Variants in SUSD6 observed in about 807,000 individuals in gnomAD.
SUSD6 encodes sushi domain containing 6, also known as sushi domain-containing protein 6.
A neutral mutation model predicts 28.4 loss-of-function variants in SUSD6; 16 were observed. The ratio of observed to expected loss-of-function variants is 0.56; its 90% CI spans 0.38 to 0.86. The LOEUF (loss-of-function observed/expected upper bound fraction) is 0.86. SUSD6 is among the 40% of genes least tolerant of loss of function. The pLI, the probability that SUSD6 is intolerant of heterozygous loss-of-function variation, is 0.00. For synonymous variants in SUSD6, 147 were observed against 159.6 expected, an observed-to-expected ratio of 0.92 and a Z score of 0.59; for missense variants, 341 against 384.2, an observed-to-expected ratio of 0.89 and a Z score of 0.94.
At chr14:69,629,356 A>G (rs546910925) in intron 1 of SUSD6, among the ~76,000 whole-genome samples, 6 of 152,134 alleles carry the variant, frequency 3.9e-5, no homozygotes, top group Non-Finnish European at 7.4e-5. Flanking sequence ...CCCCACAGGA[A>G]GCCTTTTAAT....
rs1287548036 is a variant in SUSD6, at chr14:69,712,119, T to A, written c.*1140T>A. The A allele has an allele frequency of 1.3e-5, 2 of 152,374 alleles. No individual in the cohort carries two copies. Among genetic ancestry groups the A allele is most frequent in the Admixed American group, 6.5e-5 (1 of 15,286 alleles). 9.4% of individuals were successfully genotyped at this position (152,374 alleles called of 1,614,324 possible). On this transcript the variant is annotated 3_prime_UTR_variant, in exon 6 of 6. Transcript: ENST00000342745. ...TCCTCACCATGGTCACGTGCCTTAGTAACTGTGCCCAGGAAGTGGCCTGCT... is the reference window on the plus strand; with the variant it reads ...TCCTCACCATGGTCACGTGCCTTAGAAACTGTGCCCAGGAAGTGGCCTGCT...
intron 1 of SUSD6, among the ~76,000 whole-genome samples, chr14:69,635,489 C>T (rs2224541): frequency 0.68 from 103,561 of 152,096 alleles, 36,662 homozygotes; most frequent in Admixed American, 0.8. Flanking sequence ...GTTTGGAAAT[C>T]AGAACTGTAC....
Position 69,704,596 on chromosome 14 carries a change from T to C in SUSD6, c.320-8T>C, listed in dbSNP as rs1312678298. ...CAAAACCCTTCTGATGATGGCTTGT[T>C]TTTATAGATAAAGACACCCACACAT... On this transcript the variant is annotated splice_polypyrimidine_tract_variant and splice_region_variant and intron_variant, in intron 3 of 5. Coordinates refer to ENST00000342745, the MANE Select transcript of SUSD6 (RefSeq NM_014734.4). The C allele has an allele frequency of 1.2e-6, 2 of 1,609,052 alleles. No individual in the cohort carries two copies. The highest frequency in any genetic ancestry group is 1.7e-6 in the Non-Finnish European group (2 of 1,178,166).
intron 1 of SUSD6, among the ~76,000 whole-genome samples, chr14:69,623,832 A>G (rs2139592857): frequency 6.6e-6 from 1 of 152,378 alleles, no homozygotes; most frequent in African/African-American, 2.4e-5. Flanking sequence ...ATATAAAGAA[A>G]GAAAATATTT....
intron 1 of SUSD6, among the ~76,000 whole-genome samples, chr14:69,620,342 G>T (rs1039648165): frequency 6.6e-6 from 1 of 152,216 alleles, no homozygotes; most frequent in Non-Finnish European, 1.5e-5. Flanking sequence ...GTTAGGCTAT[G>T]ATGTCAGACT....
intron 1 of SUSD6, among the ~76,000 whole-genome samples, chr14:69,625,483 G>A (rs1566589285): frequency 1.3e-5 from 2 of 152,192 alleles, no homozygotes; most frequent in Admixed American, 1.3e-4. Context: ...TTTCAGTGCA[G>A]CCCTGTCAGA....
At chr14:69,693,175 AGTG>A (rs1424153915) in intron 2 of SUSD6, among the ~76,000 whole-genome samples, 7 of 152,124 alleles carry the variant, frequency 4.6e-5, no homozygotes. Context: ...GACCTATAGC[AGTG>A]GTAGTGGCTT....
chr14:69,639,580 C>T (rs372480094), intron 1 of SUSD6, among the ~76,000 whole-genome samples: 6 of 152,254 alleles, frequency 3.9e-5, no homozygotes, highest in African/African-American at 1.4e-4. Flanking sequence ...TGGGGACATG[C>T]TGGTTGGACA....
intron 4 of SUSD6, among the ~76,000 whole-genome samples, chr14:69,706,954 CTA>C (rs1886395573): frequency 6.6e-6 from 1 of 151,226 alleles, no homozygotes; most frequent in South Asian, 2.1e-4. Flanking sequence ...GCTGAGGAAA[CTA>C]TTAGACAAGT....
intron 1 of SUSD6, among the ~76,000 whole-genome samples, chr14:69,625,034 G>A (rs1566589179): frequency 6.6e-6 from 1 of 152,176 alleles, no homozygotes; most frequent in African/African-American, 2.4e-5. Context: ...TAAAAAGATA[G>A]GTATGTGTCT....
chr14:69,634,767 C>T (rs1885240669), intron 1 of SUSD6, among the ~76,000 whole-genome samples: 2 of 152,200 alleles, frequency 1.3e-5, no homozygotes, highest in African/African-American at 4.8e-5. Context: ...CATGTCTTTA[C>T]ATCTTTTATT....
intron 1 of SUSD6, among the ~76,000 whole-genome samples, chr14:69,631,476 A>G (rs1885193517): frequency 6.6e-6 from 1 of 152,216 alleles, no homozygotes. Context: ...TAGGTTATTT[A>G]GCCCTTCTGC....
chr14:69,661,109 C>G (rs1885655231), intron 2 of SUSD6, among the ~76,000 whole-genome samples: 1 of 152,194 alleles, frequency 6.6e-6, no homozygotes, highest in African/African-American at 2.4e-5. Flanking sequence ...AGGGCCAGGA[C>G]CTAGCCTGGT....
At chr14:69,657,271 A>G (rs371678895) in intron 1 of SUSD6, among the ~76,000 whole-genome samples, 4 of 152,176 alleles carry the variant, frequency 2.6e-5, no homozygotes, top group African/African-American at 9.7e-5. Context: ...CCTGGCCAAC[A>G]TGGTGAAACC....
chr14:69,647,248 CTT>C (rs1347575317), intron 1 of SUSD6, among the ~76,000 whole-genome samples: 1 of 152,154 alleles, frequency 6.6e-6, no homozygotes, highest in East Asian at 1.9e-4. Flanking sequence ...CAGGAAGACT[CTT>C]TTGAAAGATA....
chr14:69,641,791 G>T (rs1009821175), intron 1 of SUSD6, among the ~76,000 whole-genome samples: 8 of 129,892 alleles, frequency 6.2e-5, no homozygotes, highest in South Asian at 5.8e-4. Flanking sequence ...GTAGAGAGGA[G>T]GGGGGGTCTC....
chr14:69,672,424 T>G (rs999693647), intron 2 of SUSD6, among the ~76,000 whole-genome samples: 3 of 152,168 alleles, frequency 2.0e-5, no homozygotes, highest in Non-Finnish European at 4.4e-5. Flanking sequence ...GAGTTCCTGC[T>G]GGAAATGAAA....
At chr14:69,665,791 G>A (rs1885731292) in intron 2 of SUSD6, among the ~76,000 whole-genome samples, 1 of 152,174 alleles carries the variant, frequency 6.6e-6, no homozygotes. Flanking sequence ...ATGTACTCTG[G>A]AGTCAGATTG....
intron 2 of SUSD6, among the ~76,000 whole-genome samples, chr14:69,692,810 A>C (rs1251041032): frequency 1.3e-5 from 2 of 152,046 alleles, no homozygotes; most frequent in African/African-American, 4.8e-5. Context: ...GTCAGTTATC[A>C]CCTGCTCATC....
Sources: allele counts gnomAD v4.1 joint callset (sites outside exome capture counted in the v4.1 genomes callset), GRCh38; gene constraint gnomAD v4.1.1; transcripts MANE v1.5; gene names NCBI Gene and HGNC (gene_info 2026-07-23, HGNC 2026-07-21).